The following C2CD5 variants were observed in gnomAD, a reference collection of about 807,000 sequenced individuals.
C2CD5 encodes the protein C2 calcium dependent domain containing 5.
Under a neutral mutation model 130.3 loss-of-function variants are expected in C2CD5, and 109 were observed. That is an observed-to-expected ratio of 0.84 (90% CI 0.72 to 0.98). The LOEUF is 0.98. Among genes scored for constraint, C2CD5 ranks in the 50% least tolerant of loss-of-function variants. C2CD5 has a pLI of 0.00. For synonymous variants in C2CD5, 454 were observed against 429.2 expected (o/e 1.06, Z -0.71); for missense variants, 996 against 1,261.8 (o/e 0.79, Z 3.19).
chr12:22,490,035 C>T lies in C2CD5; in HGVS notation c.1358+88G>A, dbSNP rs16925019. The stretch of plus-strand genomic sequence containing the variant: ...CACTGTACCCCTGTAAGCCACCCTA[C>T]GGAGAAGAATTATCCCAACTCTCAG... On this transcript the variant is annotated intron_variant, in intron 12 of 26. Coordinates refer to ENST00000446597, the MANE Select transcript of C2CD5 (RefSeq NM_001286176.2). The T allele has an allele frequency of 3.3e-3, 2,992 of 907,424 alleles. 47 individuals carry two copies. In the East Asian group the frequency reaches 0.044, roughly 13 times the overall value. The allele number at this position is 907,424 out of a possible 1,614,324, so 56.2% of individuals were successfully genotyped here. A position where few individuals can be genotyped will look rare whatever the true frequency, so the allele number is the denominator to read the frequency against.
At chr12:22,487,666 T>C (rs547747262) in intron 12 of C2CD5, among the ~76,000 whole-genome samples, 4 of 152,062 alleles carry the variant, frequency 2.6e-5, no homozygotes, top group African/African-American at 9.7e-5. Flanking sequence ...GATCTAGAAC[T>C]AGAAATACCA....
intron 19 of C2CD5, 148 bp from the exon 20 acceptor site, chr12:22,471,636 A>T: frequency 2.0e-6 from 1 of 504,672 alleles, no homozygotes; most frequent in Admixed American, 3.7e-5. Flanking sequence ...TTTTACACTA[A>T]CGATATACTT....
rs559665877 is a variant in C2CD5, at chr12:22,510,584, A to G, written c.1038+2710T>C. Among the ~76,000 whole-genome samples the G allele has an allele frequency of 6.6e-5, 10 of 152,348 alleles. No individual in the cohort carries two copies. The East Asian group carries it at 1.3e-3, about 21-fold the overall frequency. ...ACTAAACTTTCTAGATATAAAATCC[A>G]TAACAGATTTCTGCCATGGTTTATT... On this transcript the variant is annotated intron_variant, in intron 9 of 26. Transcript: ENST00000446597.
At chr12:22,526,948 G>C (rs1337579764) in intron 4 of C2CD5, among the ~76,000 whole-genome samples, 3 of 152,124 alleles carry the variant, frequency 2.0e-5, no homozygotes, top group Non-Finnish European at 4.4e-5. Context: ...GAGCTCTAGA[G>C]TTAAGGCCAG....
intron 10 of C2CD5, among the ~76,000 whole-genome samples, chr12:22,505,921 C>T (rs1271792911): frequency 1.4e-5 from 2 of 143,358 alleles, no homozygotes; most frequent in Non-Finnish European, 3.2e-5. Flanking sequence ...ACTTTGTTGC[C>T]CATGCTGGAT....
chr12:22,527,915 A>G (rs1950872242), intron 3 of C2CD5, 23 bp from the exon 4 acceptor site: 3 of 1,521,908 alleles, frequency 2.0e-6, no homozygotes. Flanking sequence ...CTTAAAATTA[A>G]AACTCATATA....
At position 22,457,086 on chromosome 12, in the gene C2CD5, G is replaced by A; in HGVS notation, c.2762C>T (p.Ser921Phe). The A allele has an allele frequency of 1.2e-6, 2 of 1,613,138 alleles. No individual in the cohort carries two copies. Among genetic ancestry groups the A allele is most frequent in the Non-Finnish European group, 1.7e-6 (2 of 1,179,486 alleles). ...TGTCATCTTAACAACCCCAACTGTG[G>A]AATTTGCACAAGGTGGAGCAGAACG... ...RNRSAPPCAN[S>F]TVGVVKMTPL... The change falls in exon 25 of 27, where the codon TCC becomes TTC. Residue 921 changes from serine (S) to phenylalanine (F), a missense_variant. Coordinates refer to ENST00000446597, the MANE Select transcript of C2CD5 (RefSeq NM_001286176.2).
At chr12:22,459,830 C>T (rs764206834) in intron 22 of C2CD5, among the ~76,000 whole-genome samples, 4 of 151,966 alleles carry the variant, frequency 2.6e-5, no homozygotes, top group Non-Finnish European at 5.9e-5. Context: ...AACATAGTAA[C>T]GAATGTGAGT....
At chr12:22,543,172 C>T (rs912013521) in intron 2 of C2CD5, among the ~76,000 whole-genome samples, 1 of 152,314 alleles carries the variant, frequency 6.6e-6, no homozygotes, top group East Asian at 1.9e-4. Flanking sequence ...CAATTCTAAG[C>T]ACTAATAGCC....
chr12:22,457,464 G>A (rs1358606882), intron 24 of C2CD5, among the ~76,000 whole-genome samples: 1 of 152,136 alleles, frequency 6.6e-6, no homozygotes, highest in East Asian at 1.9e-4. Flanking sequence ...AAAAGCGGCT[G>A]AGCATTAAAA....
chr12:22,535,069 C>A (rs1951696982), intron 3 of C2CD5, 189 bp downstream of exon 3: 3 of 541,952 alleles, frequency 5.5e-6, no homozygotes, highest in Non-Finnish European at 9.8e-6. Context: ...AATGTGTTAT[C>A]ATATACTGTA....
intron 12 of C2CD5, among the ~76,000 whole-genome samples, chr12:22,486,468 A>G (rs886558411): frequency 5.3e-5 from 8 of 152,198 alleles, no homozygotes; most frequent in African/African-American, 1.9e-4. Context: ...CCAACTTCTT[A>G]TAAGCCAAGA....
intron 3 of C2CD5, among the ~76,000 whole-genome samples, chr12:22,529,199 G>A (rs557830898): frequency 1.2e-4 from 18 of 152,226 alleles, no homozygotes; most frequent in South Asian, 6.2e-4. Flanking sequence ...TTTCCATAAT[G>A]AAATGTTAAA....
Position 22,484,798 on chromosome 12 carries a change from G to A in C2CD5, c.1449C>T (p.Cys483=), listed in dbSNP as rs1200869531. ...NMPFPAHLTY[C]YNCRKQKVPD... ...GAACTTTTTGTTTCCTGCAGTTATA[G>A]CAATATGTGAGATGAGCTGGAAATG... The change falls in exon 13 of 27, where the codon TGC becomes TGT. Residue 483 remains cysteine (C), a synonymous_variant. Coordinates refer to ENST00000446597, the MANE Select transcript of C2CD5 (RefSeq NM_001286176.2). 1 of 1,608,794 alleles carries A rather than the reference G, an allele frequency of 6.2e-7. No homozygotes were observed. Among genetic ancestry groups the A allele is most frequent in the Admixed American group, 1.7e-5 (1 of 59,734 alleles).
intron 13 of C2CD5, among the ~76,000 whole-genome samples, 155 bp from the exon 14 acceptor site, chr12:22,482,898 T>C (rs1006161368): frequency 3.3e-5 from 5 of 152,286 alleles, no homozygotes; most frequent in Middle Eastern, 6.8e-3. Context: ...CTTTTTGTCA[T>C]TGTATAAACT....
chr12:22,459,357 CA>C (rs148077355), intron 23 of C2CD5, 134 bp downstream of exon 23: 102,526 of 395,052 alleles, frequency 0.26, 2,513 homozygotes, highest in Non-Finnish European at 0.31. Flanking sequence ...ATTCTACCTA[CA>C]AAAAAAAAAA....
At chr12:22,454,772 G>A (rs1265039666) in intron 25 of C2CD5, among the ~76,000 whole-genome samples, 5 of 151,946 alleles carry the variant, frequency 3.3e-5, no homozygotes, top group Non-Finnish European at 5.9e-5. Context: ...AATGTCCACC[G>A]TGCTCCAGTT....
chr12:22,537,645 T>G lies in C2CD5; in HGVS notation c.91-2301A>C, dbSNP rs377110209. ...CTCTTTACCTACTCATTAGCTAAATTACCTTGAGAAAGTTATTAACCTGTT... is the reference window on the plus strand; with the variant it reads ...CTCTTTACCTACTCATTAGCTAAATGACCTTGAGAAAGTTATTAACCTGTT... On this transcript the variant is annotated intron_variant, in intron 2 of 26. Coordinates refer to ENST00000446597, the MANE Select transcript of C2CD5 (RefSeq NM_001286176.2). Among the ~76,000 whole-genome samples, 56 of 152,344 alleles carry G rather than the reference T, an allele frequency of 3.7e-4. 1 individual carries two copies. Among genetic ancestry groups the G allele is most frequent in the East Asian group, 2.5e-3 (13 of 5,190 alleles).
intron 22 of C2CD5, among the ~76,000 whole-genome samples, chr12:22,466,329 TTTAAC>T (rs1372407259): frequency 2.0e-5 from 3 of 151,984 alleles, no homozygotes; most frequent in Non-Finnish European, 2.9e-5. Context: ...TATCACCTTA[TTTAAC>T]TTAACAAAAT....
Sources: gnomAD v4.1 joint callset for allele counts (sites outside exome capture counted in the v4.1 genomes callset) on GRCh38, gnomAD v4.1.1 for gene constraint, MANE v1.5 for transcripts, NCBI Gene and HGNC (gene_info 2026-07-23, HGNC 2026-07-21) for gene names.